The following FOCAD variants were observed in gnomAD, a reference collection of about 807,000 sequenced individuals.
FOCAD encodes focadhesin, also known as KIAA1797.
In FOCAD, 198 loss-of-function variants were observed where a neutral mutation model predicts 225.6. The ratio of observed to expected loss-of-function variants is 0.88; its 90% CI spans 0.78 to 0.99. FOCAD has a LOEUF of 0.99. Ranked by LOEUF, FOCAD falls within the 50% of genes least tolerant of loss-of-function variation. The probability of loss-of-function intolerance (pLI) is 0.00; values close to 1 mark genes in which losing one functional copy is unlikely to be tolerated. For missense variants in FOCAD, 2,713 were observed against 2,123.6 expected, an observed-to-expected ratio of 1.28 and a Z score of -5.46; for synonymous variants, 897 against 755.0, an observed-to-expected ratio of 1.19 and a Z score of -3.08.
chr9:20,917,250 C>T (rs943934787), intron 24 of FOCAD, among the ~76,000 whole-genome samples: 6 of 150,224 alleles, frequency 4.0e-5, no homozygotes, highest in South Asian at 2.1e-4. Context: ...TAATTTAGTT[C>T]GAGGGGATTA....
chr9:20,747,977 C>T (rs1398175341), intron 5 of FOCAD, among the ~76,000 whole-genome samples: 1 of 151,824 alleles, frequency 6.6e-6, no homozygotes, highest in Non-Finnish European at 1.5e-5. Context: ...TGATGTTGCT[C>T]ATCCTCTAAC....
rs1367942031 is a variant in FOCAD at position 20,758,187 on chromosome 9, G to A, written c.490G>A (p.Glu164Lys). ...QLTAFFQQCP[E>K]RLEVSCIQIM... ...GACAGCGTTTTTCCAGCAGTGCCCT[G>A]AAAGGTAATGTAAAATAAAAGTGTA... The change falls in exon 6 of 44, where the codon GAA (glutamate) becomes AAA (lysine). Residue 164 changes from glutamate (E) to lysine (K), a missense_variant. Glu to Lys is a moderately conservative substitution (Grantham distance 56, BLOSUM62 1). Coordinates refer to ENST00000338382, the MANE Select transcript of FOCAD (RefSeq NM_001375567.1). 6.2e-7 allele frequency: 1 copy of A among 1,609,314 alleles called. No individual in the cohort carries two copies. Among genetic ancestry groups the A allele is most frequent in the African/African-American group, 1.3e-5 (1 of 74,714 alleles).
intron 5 of FOCAD, among the ~76,000 whole-genome samples, chr9:20,756,860 G>T (rs193252682): frequency 6.6e-6 from 1 of 152,170 alleles, no homozygotes; most frequent in Admixed American, 6.5e-5. Flanking sequence ...GACTAGCTCC[G>T]TGTATGTGGT....
chr9:20,984,301 G>A (rs1336356992), intron 39 of FOCAD, among the ~76,000 whole-genome samples: 2 of 152,180 alleles, frequency 1.3e-5, no homozygotes, highest in African/African-American at 4.8e-5. Flanking sequence ...CTACTGCAGA[G>A]AATTGGTGTG....
In FOCAD at chr9:20,877,528, T is replaced by A. The variant is rs151290919; in HGVS notation, c.2317+2721T>A. On this transcript the variant is annotated intron_variant, in intron 19 of 43. Coordinates refer to ENST00000338382, the MANE Select transcript of FOCAD (RefSeq NM_001375567.1). ...ACAGGTATACTAACAACAGCCACAA[T>A]CTAACAATTATGAGCAGATGAACTG... Among the ~76,000 whole-genome samples, 132 of 152,258 alleles carry A rather than the reference T, an allele frequency of 8.7e-4. No individual in the cohort carries two copies. In the East Asian group the frequency reaches 0.024, roughly 28 times the overall value.
chr9:20,735,130 T>A (rs374719686), intron 4 of FOCAD, among the ~76,000 whole-genome samples: 317 of 152,308 alleles, frequency 2.1e-3, no homozygotes, highest in African/African-American at 7.4e-3. Flanking sequence ...TTTGTGTATC[T>A]CTATTCTCTG....
intron 9 of FOCAD, among the ~76,000 whole-genome samples, chr9:20,779,819 T>C (rs900320616): frequency 5.9e-5 from 9 of 152,122 alleles, no homozygotes; most frequent in Admixed American, 2.6e-4. Flanking sequence ...TTTTAATTCA[T>C]GATTTTGGGA....
At chr9:20,801,767 A>C (rs1218722086) in intron 11 of FOCAD, among the ~76,000 whole-genome samples, 1 of 152,134 alleles carries the variant, frequency 6.6e-6, no homozygotes, top group Non-Finnish European at 1.5e-5. Context: ...GGGGTGTCAA[A>C]GAAAGGCAGT....
intron 35 of FOCAD, among the ~76,000 whole-genome samples, chr9:20,965,008 A>G (rs1450696396): frequency 2.0e-5 from 3 of 152,170 alleles, no homozygotes; most frequent in African/African-American, 7.2e-5. Flanking sequence ...AAAGGCCTAG[A>G]TCAGAAGTAT....
intron 2 of FOCAD, among the ~76,000 whole-genome samples, chr9:20,670,149 C>G (rs1457715151): frequency 6.6e-6 from 1 of 152,154 alleles, no homozygotes; most frequent in African/African-American, 2.4e-5. Flanking sequence ...TTACTGAACT[C>G]TTATTAGGGG....
intron 35 of FOCAD, among the ~76,000 whole-genome samples, chr9:20,958,069 G>A (rs547300449): frequency 2.7e-5 from 4 of 150,162 alleles, no homozygotes; most frequent in African/African-American, 9.8e-5. Flanking sequence ...CTTACTGGCT[G>A]TATAACTTCA....
At chr9:20,953,090 T>C (rs767064354) in intron 35 of FOCAD, 25 bp downstream of exon 35, 28 of 1,568,120 alleles carry the variant, frequency 1.8e-5, no homozygotes, top group South Asian at 2.2e-5. Context: ...TTCTTGAATT[T>C]TATCATTCTA....
At chr9:20,817,704 T>C (rs1179735091) in intron 11 of FOCAD, among the ~76,000 whole-genome samples, 1 of 152,114 alleles carries the variant, frequency 6.6e-6, no homozygotes, top group East Asian at 1.9e-4. Flanking sequence ...ATCCATGTTG[T>C]AGCATGTATC....
intron 4 of FOCAD, among the ~76,000 whole-genome samples, chr9:20,732,256 G>A (rs993123278): frequency 2.6e-5 from 4 of 152,330 alleles, no homozygotes; most frequent in South Asian, 2.1e-4. Context: ...AGTATACTGT[G>A]TTGGGAATGC....
chr9:20,848,320 A>G (rs1008400640), intron 15 of FOCAD, among the ~76,000 whole-genome samples: 3 of 152,092 alleles, frequency 2.0e-5, no homozygotes, highest in Admixed American at 2.0e-4. Flanking sequence ...CTAAGCATGC[A>G]TTCCCTCCTT....
chr9:20,979,405 C>A (rs893948701), intron 37 of FOCAD, among the ~76,000 whole-genome samples: 6 of 152,194 alleles, frequency 3.9e-5, no homozygotes, highest in Admixed American at 1.3e-4. Context: ...GTGGCAGAAT[C>A]TCGACTCACT....
chr9:20,668,519 A>T (rs1429069885), intron 2 of FOCAD, among the ~76,000 whole-genome samples: 1 of 152,240 alleles, frequency 6.6e-6, no homozygotes, highest in Non-Finnish European at 1.5e-5. Flanking sequence ...ATATCAGGCA[A>T]CATCTACATC....
upstream of FOCAD, among the ~76,000 whole-genome samples, chr9:20,683,055 C>T (rs868120618): frequency 1.3e-5 from 2 of 152,080 alleles, no homozygotes; most frequent in African/African-American, 4.8e-5. Context: ...GTGAGCCCCC[C>T]CACCTGGCCC....
chr9:20,881,766 G>A, intron 19 of FOCAD, 105 bp from the exon 20 acceptor site: 1 of 1,129,814 alleles, frequency 8.9e-7, no homozygotes, highest in Non-Finnish European at 1.3e-6. Context: ...TGTAAGGTTT[G>A]GCCAGAAATG....
Sources: gnomAD v4.1 joint callset for allele counts (sites outside exome capture counted in the v4.1 genomes callset) on GRCh38, gnomAD v4.1.1 for gene constraint, MANE v1.5 for transcripts, NCBI Gene and HGNC (gene_info 2026-07-23, HGNC 2026-07-21) for gene names.